The following PIK3CG variants were observed in gnomAD, a reference collection of about 807,000 sequenced individuals.
PIK3CG encodes phosphatidylinositol 4,5-bisphosphate 3-kinase catalytic subunit gamma isoform.
PIK3CG carries 55 observed loss-of-function variants against 102.3 expected under a neutral mutation model. That is an observed-to-expected ratio of 0.54 (90% CI 0.43 to 0.67). The LOEUF is 0.67. PIK3CG is among the 30% of genes least tolerant of loss of function. The probability of loss-of-function intolerance (pLI) is 0.00; values close to 1 mark genes in which losing one functional copy is unlikely to be tolerated. For missense variants in PIK3CG, 1,258 were observed against 1,391.8 expected (o/e 0.90, Z 1.53); for synonymous variants, 552 against 540.0 (o/e 1.02, Z -0.31).
In PIK3CG at chr7:106,869,349, G is replaced by A. The variant is rs1309205802; in HGVS notation, c.1788G>A (p.Val596=). 4 of 1,614,254 alleles carry A rather than the reference G, an allele frequency of 2.5e-6. No homozygotes were observed. The East Asian group carries it at 6.7e-5, about 27-fold the overall frequency. ...PKAYPKLFSS[V]KWGQQEIVAK... ...CATATCCTAAGCTATTTAGTTCAGT[G>A]AAATGGGGACAGCAAGAAATTGTGG... Residue 596 remains valine (V), a synonymous_variant, in exon 2 of 11, where the codon GTG becomes GTA. Transcript: ENST00000496166. The surrounding 1 kb of genome is among the most constrained non-coding windows in gnomAD (Gnocchi z 5.3).
intron 5 of PIK3CG, among the ~76,000 whole-genome samples, chr7:106,876,000 C>T (rs1441428923): frequency 5.4e-5 from 8 of 149,164 alleles, no homozygotes; most frequent in Non-Finnish European, 8.9e-5. Context: ...CTGCAAGCTC[C>T]GCTTCCCGGG....
chr7:106,905,491 C>T lies in PIK3CG; in HGVS notation c.*104C>T. 9.3e-7 allele frequency: 1 copy of T among 1,075,242 alleles called. No individual in the cohort carries two copies. The allele number at this position is 1,075,242 out of a possible 1,614,324, so 66.6% of individuals were successfully genotyped here. ...ATGCAATAGACATTGTGAAAGCTGGCATTTCAGAAGTATAGCTCTTTTCCT... is the reference window on the plus strand; with the variant it reads ...ATGCAATAGACATTGTGAAAGCTGGTATTTCAGAAGTATAGCTCTTTTCCT... On this transcript the variant is annotated 3_prime_UTR_variant, in exon 11 of 11. Transcript: ENST00000496166. The surrounding 1 kb of genome is among the most constrained non-coding windows in gnomAD (Gnocchi z 5.6).
rs1353440097 is a variant in PIK3CG, at chr7:106,891,276, C to G, written c.3030+4984C>G. 6.6e-6 allele frequency among the ~76,000 whole-genome samples: 1 copy of G among 152,128 alleles called. No individual in the cohort carries two copies. On this transcript the variant is annotated intron_variant, in intron 10 of 10. Transcript: ENST00000496166. This position sits in a 1 kb window ranked among gnomAD's most constrained non-coding sequence, Gnocchi z 4.4. ...TCTGTGAGTTTCACAATAACTCAGG[C>G]CCAGATTGACAGACCATCATCACAT...
rs1303287241 is a variant in PIK3CG, at chr7:106,905,930, GCAATT to G, written c.*550_*554del. Reference sequence around the variant, plus strand: ...CGAGTTAGTCTTTTCAGTGTCTTTTGCAATTCAATTCTTTTGTCATGTATAACTGA... The same window carrying G: ...CGAGTTAGTCTTTTCAGTGTCTTTTGCAATTCTTTTGTCATGTATAACTGA... On this transcript the variant is annotated 3_prime_UTR_variant, in exon 11 of 11. Coordinates refer to ENST00000496166, the MANE Select transcript of PIK3CG (RefSeq NM_001282426.2). The surrounding 1 kb of genome is among the most constrained non-coding windows in gnomAD (Gnocchi z 5.6). 3 of 230,790 alleles carry G rather than the reference GCAATT, an allele frequency of 1.3e-5. No individual in the cohort carries two copies. Among genetic ancestry groups the G allele is most frequent in the East Asian group, 6.2e-5 (1 of 16,092 alleles). The allele number at this position is 230,790 out of a possible 1,614,324, so 14.3% of individuals were successfully genotyped here. A position where few individuals can be genotyped will look rare whatever the true frequency, so the allele number is the denominator to read the frequency against.
At chr7:106,904,328 T>C (rs928633259) in intron 10 of PIK3CG, among the ~76,000 whole-genome samples, 2 of 152,170 alleles carry the variant, frequency 1.3e-5, no homozygotes, top group Non-Finnish European at 2.9e-5. Flanking sequence ...TCACTAACTT[T>C]AGTTTTCTTT....
At chr7:106,882,738 G>A (rs1418708228) in intron 7 of PIK3CG, 1 of 257,874 alleles carries the variant, frequency 3.9e-6, no homozygotes, top group Non-Finnish European at 7.3e-6. Context: ...ATTGCCATCT[G>A]AGGAAGGATA....
At position 106,868,498 on chromosome 7, in the gene PIK3CG, C is replaced by A. The variant is rs1243325389; in HGVS notation, c.937C>A (p.Pro313Thr). ...IHVVLDTPPDPALDEVRKEEW... is the reference protein window; with the variant it reads ...IHVVLDTPPDTALDEVRKEEW... ...CGTGGTACTGGACACGCCTCCAGACCCGGCCCTAGACGAGGTGAGGAAGGA... is the reference window on the plus strand; with the variant it reads ...CGTGGTACTGGACACGCCTCCAGACACGGCCCTAGACGAGGTGAGGAAGGA... The change falls in exon 2 of 11, where the codon CCG (proline) becomes ACG (threonine). Residue 313 changes from proline to threonine, a missense_variant. Transcript: ENST00000496166. The surrounding 1 kb of genome is among the most constrained non-coding windows in gnomAD (Gnocchi z 6.2). 2 of 1,614,128 alleles carry A rather than the reference C, an allele frequency of 1.2e-6. No homozygotes were observed. The highest frequency in any genetic ancestry group is 2.2e-5 in the South Asian group (2 of 91,082).
At chr7:106,870,951 G>GA (rs1274131026) in intron 2 of PIK3CG, among the ~76,000 whole-genome samples, 4 of 152,226 alleles carry the variant, frequency 2.6e-5, no homozygotes, top group Non-Finnish European at 1.5e-5. Context: ...GAAACAACAT[G>GA]AAAAAAACTT....
rs182680715 is a variant in PIK3CG at position 106,903,950 on chromosome 7, G to A, written c.3031-1159G>A. On this transcript the variant is annotated intron_variant, in intron 10 of 10. Transcript: ENST00000496166. This position sits in a 1 kb window ranked among gnomAD's most constrained non-coding sequence, Gnocchi z 4.3. Reference sequence around the variant, plus strand: ...ATTTTTTTGTATTTTTAGTAGAGACGGGGTTTCATCATGTTGGCCAGGCTG... The same window carrying A: ...ATTTTTTTGTATTTTTAGTAGAGACAGGGTTTCATCATGTTGGCCAGGCTG... Among the ~76,000 whole-genome samples, 4 of 151,656 alleles carry A rather than the reference G, an allele frequency of 2.6e-5. No individual in the cohort carries two copies. The highest frequency in any genetic ancestry group is 2.1e-4 in the South Asian group (1 of 4,806).
rs755002463 is a variant in PIK3CG at position 106,883,055 on chromosome 7, C to T, written c.2652C>T (p.Asp884=). The change falls in exon 8 of 11, where the codon GAC becomes GAT. Residue 884 remains aspartate, a synonymous_variant. Transcript: ENST00000496166. The surrounding 1 kb of genome is among the most constrained non-coding windows in gnomAD (Gnocchi z 5.8). The stretch of plus-strand genomic sequence containing the variant: ...TAGGAATGATCGAGATTGTGAAAGA[C>T]GCCACGACAATTGCCAAAATTCAGC... The part of the protein sequence containing the change: ...DKIGMIEIVK[D]ATTIAKIQQS... 34 of 1,613,830 alleles carry T rather than the reference C, an allele frequency of 2.1e-5. No homozygotes were observed. In the Middle Eastern group the frequency reaches 4.9e-4, roughly 23 times the overall value.
chr7:106,872,292 A>C lies in PIK3CG; in HGVS notation c.1996-245A>C, dbSNP rs747086802. 2.1e-4 allele frequency among the ~76,000 whole-genome samples: 32 copies of C among 152,200 alleles called. No individual in the cohort carries two copies. The highest frequency in any genetic ancestry group is 3.2e-3 in the Middle Eastern group (1 of 316). ...AATTTATCAGCAGCACATGACTGTG[A>C]GTCAAAAGTTTCATCCTCTAATCCC... On this transcript the variant is annotated intron_variant, in intron 2 of 10. Transcript: ENST00000496166. The surrounding 1 kb of genome is among the most constrained non-coding windows in gnomAD (Gnocchi z 5.3).
In PIK3CG at chr7:106,892,894, A is replaced by G. The variant is rs1791300493; in HGVS notation, c.3030+6602A>G. ...ACGAGCAAGTGCATGAAGTTAGAAAAGTACATACAATCAGTATTTAGGAAC... is the reference window on the plus strand; with the variant it reads ...ACGAGCAAGTGCATGAAGTTAGAAAGGTACATACAATCAGTATTTAGGAAC... On this transcript the variant is annotated intron_variant, in intron 10 of 10. Coordinates refer to ENST00000496166, the MANE Select transcript of PIK3CG (RefSeq NM_001282426.2). The surrounding 1 kb of genome is among the most constrained non-coding windows in gnomAD (Gnocchi z 5.2). Among the ~76,000 whole-genome samples the G allele has an allele frequency of 6.6e-6, 1 of 152,308 alleles. No homozygotes were observed. The highest frequency in any genetic ancestry group is 1.5e-5 in the Non-Finnish European group (1 of 68,020).
Position 106,869,549 on chromosome 7 carries a change from T to C in PIK3CG, c.1988T>C (p.Leu663Ser). The C allele has an allele frequency of 1.2e-6, 2 of 1,604,330 alleles. No homozygotes were observed. The highest frequency in any genetic ancestry group is 1.7e-6 in the Non-Finnish European group (2 of 1,174,060). Reference protein sequence around the residue: ...DDDVLHYLLQLVQAVKFEPYH... With the variant: ...DDDVLHYLLQSVQAVKFEPYH... ...GATGTTCTGCATTACCTTCTACAAT[T>C]GGTCCAGGTAGGGGATGTTGGTGTT... The change falls in exon 2 of 11, where the codon TTG (leucine) becomes TCG (serine). Residue 663 changes from leucine to serine, a missense_variant. Coordinates refer to ENST00000496166, the MANE Select transcript of PIK3CG (RefSeq NM_001282426.2). The surrounding 1 kb of genome is among the most constrained non-coding windows in gnomAD (Gnocchi z 5.3).
In PIK3CG at chr7:106,906,223, A is replaced by C. The variant is rs564533596; in HGVS notation, c.*836A>C. The C allele has an allele frequency of 1.7e-5, 4 of 229,022 alleles. No homozygotes were observed. The highest frequency in any genetic ancestry group is 3.7e-4 in the South Asian group (2 of 5,456). The allele number at this position is 229,022 out of a possible 1,614,324, so 14.2% of individuals were successfully genotyped here. A position where few individuals can be genotyped will look rare whatever the true frequency, so the allele number is the denominator to read the frequency against. On this transcript the variant is annotated 3_prime_UTR_variant, in exon 11 of 11. Coordinates refer to ENST00000496166, the MANE Select transcript of PIK3CG (RefSeq NM_001282426.2). ...TTTTCATCAATTGCGATGCTCCCAC[A>C]ACTCTTTACAGACTTGTGAAATCTT...
chr7:106,871,247 TGAA>T (rs1156832061), intron 2 of PIK3CG, among the ~76,000 whole-genome samples: 1 of 152,220 alleles, frequency 6.6e-6, no homozygotes, highest in African/African-American at 2.4e-5. Context: ...AAGTGAAACC[TGAA>T]GAAGGTCAGA....
chr7:106,870,458 C>A (rs751146180), intron 2 of PIK3CG, among the ~76,000 whole-genome samples: 1 of 152,124 alleles, frequency 6.6e-6, no homozygotes, highest in Non-Finnish European at 1.5e-5. Context: ...TAGAGCACAG[C>A]CTTCATTCAT....
Position 106,902,737 on chromosome 7 carries a change from G to A in PIK3CG, c.3031-2372G>A, listed in dbSNP as rs1055366705. Among the ~76,000 whole-genome samples the A allele has an allele frequency of 3.9e-5, 6 of 151,968 alleles. No individual in the cohort carries two copies. The highest frequency in any genetic ancestry group is 1.5e-4 in the African/African-American group (6 of 41,362). ...CTTATTGATTTTTAAGAACTATTAGGGGGCTGGGGTTGAAAGAGTGATCTG... is the reference window on the plus strand; with the variant it reads ...CTTATTGATTTTTAAGAACTATTAGAGGGCTGGGGTTGAAAGAGTGATCTG... On this transcript the variant is annotated intron_variant, in intron 10 of 10. Transcript: ENST00000496166. This position sits in a 1 kb window ranked among gnomAD's most constrained non-coding sequence, Gnocchi z 4.3.
In PIK3CG at chr7:106,872,736, G is replaced by C. The variant is rs1478913019; in HGVS notation, c.2085G>C (p.Leu695Phe). The C allele has an allele frequency of 6.2e-7, 1 of 1,613,842 alleles. No individual in the cohort carries two copies. The highest frequency in any genetic ancestry group is 8.5e-7 in the Non-Finnish European group (1 of 1,179,892). ...GLRNKRIGHF[L>F]FWFLRSEIAQ... ...AGAACAAAAGAATTGGTCACTTTTTGTTTTGGTTCTTGAGAAGTGAGATAG... is the reference window on the plus strand; with the variant it reads ...AGAACAAAAGAATTGGTCACTTTTTCTTTTGGTTCTTGAGAAGTGAGATAG... The change falls in exon 4 of 11, where the codon TTG (leucine) becomes TTC (phenylalanine). Residue 695 changes from leucine (L) to phenylalanine (F), a missense_variant. Coordinates refer to ENST00000496166, the MANE Select transcript of PIK3CG (RefSeq NM_001282426.2). The surrounding 1 kb of genome is among the most constrained non-coding windows in gnomAD (Gnocchi z 5.3).
chr7:106,905,871 G>A lies in PIK3CG; in HGVS notation c.*484G>A, dbSNP rs74752528. 2.7e-3 allele frequency: 644 copies of A among 239,046 alleles called. 8 individuals are homozygous for A. Among genetic ancestry groups the A allele is most frequent in the East Asian group, 0.016 (263 of 16,466 alleles). 14.8% of individuals were successfully genotyped at this position (239,046 alleles called of 1,614,324 possible). A position where few individuals can be genotyped will look rare whatever the true frequency, so the allele number is the denominator to read the frequency against. ...GCTTCCAAACATCTCCTTAGTGTCT[G>A]CAGGTGTTAGTGGTGTGCTAAAAGC... On this transcript the variant is annotated 3_prime_UTR_variant, in exon 11 of 11. Transcript: ENST00000496166. This position sits in a 1 kb window ranked among gnomAD's most constrained non-coding sequence, Gnocchi z 5.6.
Sources: allele counts gnomAD v4.1 joint callset (sites outside exome capture counted in the v4.1 genomes callset), GRCh38; gene constraint gnomAD v4.1.1; non-coding constraint Gnocchi (gnomAD v3.1); transcripts MANE v1.5; gene names NCBI Gene and HGNC (gene_info 2026-07-23, HGNC 2026-07-21).